DDAH1: variants seen among roughly 807,000 people sequenced by gnomAD.
The protein encoded by DDAH1 is dimethylarginine dimethylaminohydrolase 1.
Under a neutral mutation model 28.8 loss-of-function variants are expected in DDAH1, and 19 were observed. The ratio of observed to expected loss-of-function variants is 0.66; its 90% CI spans 0.46 to 0.97. DDAH1 has a LOEUF of 0.97. Among genes scored for constraint, DDAH1 ranks in the 50% least tolerant of loss-of-function variants. The pLI is 0.00. For missense variants in DDAH1, 326 were observed against 375.9 expected (o/e 0.87, Z 1.10); for synonymous variants, 153 against 154.4 (o/e 0.99, Z 0.07).
At chr1:85,328,176 C>T (rs1445693051) in intron 4 of DDAH1, among the ~76,000 whole-genome samples, 2 of 152,166 alleles carry the variant, frequency 1.3e-5, no homozygotes, top group African/African-American at 4.8e-5. Context: ...CTCTGTGGTC[C>T]TAACTCAAAT....
At chr1:85,347,379 A>G (rs1183435761) in intron 4 of DDAH1, among the ~76,000 whole-genome samples, 3 of 152,216 alleles carry the variant, frequency 2.0e-5, no homozygotes, top group Non-Finnish European at 4.4e-5. Context: ...ATGTCCATCA[A>G]TGATAGACTG....
chr1:85,535,892 C>T (rs1161565982), intron 1 of DDAH1, among the ~76,000 whole-genome samples: 7 of 152,142 alleles, frequency 4.6e-5, no homozygotes, highest in East Asian at 1.9e-4. Context: ...AAACATTTCT[C>T]GAAAGAAGAC....
At chr1:85,426,225 T>G (rs968803868) in intron 1 of DDAH1, among the ~76,000 whole-genome samples, 3 of 152,214 alleles carry the variant, frequency 2.0e-5, no homozygotes, top group African/African-American at 7.2e-5. Context: ...AATAATAGAT[T>G]TAAGTTATAA....
intron 4 of DDAH1, among the ~76,000 whole-genome samples, chr1:85,345,006 CAT>C (rs1314834415): frequency 1.3e-5 from 2 of 152,148 alleles, no homozygotes; most frequent in African/African-American, 4.8e-5. Flanking sequence ...AACAATGTAA[CAT>C]ATATATTTTT....
At chr1:85,563,428 A>T (rs1355018325) in intron 1 of DDAH1, among the ~76,000 whole-genome samples, 1 of 152,216 alleles carries the variant, frequency 6.6e-6, no homozygotes, top group African/African-American at 2.4e-5. Flanking sequence ...TGGGGCAGCA[A>T]GTGGGATATT....
At chr1:85,382,405 G>A (rs775075167) in intron 1 of DDAH1, among the ~76,000 whole-genome samples, 2 of 152,166 alleles carry the variant, frequency 1.3e-5, no homozygotes, top group Non-Finnish European at 2.9e-5. Flanking sequence ...AAAGGTAGCA[G>A]AGGCTGGAAG....
intron 1 of DDAH1, among the ~76,000 whole-genome samples, chr1:85,425,011 A>G (rs1441557056): frequency 7.2e-5 from 11 of 152,008 alleles, no homozygotes; most frequent in Non-Finnish European, 1.5e-5. Flanking sequence ...TTATTGAAAC[A>G]TTTACTTATG....
intron 1 of DDAH1, among the ~76,000 whole-genome samples, chr1:85,388,266 T>C (rs537000564): frequency 6.6e-6 from 1 of 152,292 alleles, no homozygotes; most frequent in South Asian, 2.1e-4. Flanking sequence ...AAATAATACA[T>C]ATAAACAGCC....
chr1:85,364,455 A>G (rs1054462554), intron 1 of DDAH1, among the ~76,000 whole-genome samples: 5 of 152,210 alleles, frequency 3.3e-5, no homozygotes, highest in African/African-American at 1.2e-4. Flanking sequence ...TTTCACCAAG[A>G]AAAACCTGCA....
chr1:85,420,675 C>G (rs1351297565), intron 1 of DDAH1, among the ~76,000 whole-genome samples: 1 of 152,186 alleles, frequency 6.6e-6, no homozygotes, highest in African/African-American at 2.4e-5. Flanking sequence ...GCATTTTGGT[C>G]ACAGTCATTT....
chr1:85,478,247 A>G (rs1388794396), intron 2 of DDAH1, among the ~76,000 whole-genome samples: 1 of 152,246 alleles, frequency 6.6e-6, no homozygotes, highest in Non-Finnish European at 1.5e-5. Context: ...TACATCTTTA[A>G]AAAGAAAAGA....
intron 1 of DDAH1, among the ~76,000 whole-genome samples, chr1:85,436,486 A>G (rs950964822): frequency 9.8e-5 from 15 of 152,316 alleles, no homozygotes; most frequent in African/African-American, 3.6e-4. Context: ...ATGTGTTAGA[A>G]GAGATGAGAA....
intron 2 of DDAH1, among the ~76,000 whole-genome samples, chr1:85,358,307 G>A (rs1435407278): frequency 6.6e-6 from 1 of 152,046 alleles, no homozygotes; most frequent in Non-Finnish European, 1.5e-5. Context: ...GTGTTTTCCT[G>A]TATTTTCCAA....
chr1:85,563,306 A>G (rs1399647513), intron 1 of DDAH1, among the ~76,000 whole-genome samples: 1 of 152,220 alleles, frequency 6.6e-6, no homozygotes, highest in Non-Finnish European at 1.5e-5. Flanking sequence ...AAATTATCCC[A>G]GGCTGGGGAA....
In DDAH1 at chr1:85,550,669, A is replaced by G. The variant is rs1224274265; in HGVS notation, c.-123+27315T>C. Among the ~76,000 whole-genome samples, 3 of 152,230 alleles carry G rather than the reference A, an allele frequency of 2.0e-5. No individual in the cohort carries two copies. In the East Asian group the frequency reaches 5.8e-4, roughly 29 times the overall value. On this transcript the variant is annotated intron_variant, in intron 1 of 6. Transcript: ENST00000426972. ...TAAAATTAAGTCAAACATTTTAGTC[A>G]GGAAGATGCAAAATGTTACATCTTT...
At chr1:85,473,617 GC>G (rs778092660) in intron 2 of DDAH1, among the ~76,000 whole-genome samples, 44 of 152,032 alleles carry the variant, frequency 2.9e-4, no homozygotes, top group Non-Finnish European at 4.6e-4. Flanking sequence ...CACTGTATTT[GC>G]TTTTGTGGTA....
chr1:85,515,991 T>C (rs1486494673), intron 1 of DDAH1, among the ~76,000 whole-genome samples: 1 of 152,172 alleles, frequency 6.6e-6, no homozygotes, highest in African/African-American at 2.4e-5. Flanking sequence ...ATGTCTACCT[T>C]AGTGCTGTGT....
intron 1 of DDAH1, among the ~76,000 whole-genome samples, chr1:85,367,725 A>C (rs1230034926): frequency 6.6e-6 from 1 of 152,090 alleles, no homozygotes; most frequent in Non-Finnish European, 1.5e-5. Context: ...ATAGAAAGAA[A>C]CATAATTCCT....
intron 2 of DDAH1, among the ~76,000 whole-genome samples, chr1:85,481,786 G>T (rs1020319759): frequency 6.6e-6 from 1 of 152,168 alleles, no homozygotes; most frequent in African/African-American, 2.4e-5. Context: ...AAGGCTGGGG[G>T]CACAGTTTCC....
Sources: allele counts gnomAD v4.1 joint callset (sites outside exome capture counted in the v4.1 genomes callset), GRCh38; gene constraint gnomAD v4.1.1; transcripts MANE v1.5; gene names NCBI Gene and HGNC (gene_info 2026-07-23, HGNC 2026-07-21).